CDKAL1: variants seen among roughly 807,000 people sequenced by gnomAD.
CDKAL1 encodes the protein CDKAL1 threonylcarbamoyladenosine tRNA methylthiotransferase.
CDKAL1 carries 32 observed loss-of-function variants against 68.2 expected under a neutral mutation model. The ratio of observed to expected loss-of-function variants is 0.47; its 90% CI spans 0.35 to 0.63. The LOEUF (loss-of-function observed/expected upper bound fraction) is 0.63. CDKAL1 is among the 30% of genes least tolerant of loss of function. The pLI is 0.00. For missense variants in CDKAL1, 606 were observed against 696.7 expected (o/e 0.87, Z 1.47); for synonymous variants, 234 against 244.3 (o/e 0.96, Z 0.39).
chr6:20,557,541 A>G (rs1336800146), intron 4 of CDKAL1, among the ~76,000 whole-genome samples: 2 of 152,166 alleles, frequency 1.3e-5, no homozygotes, highest in Non-Finnish European at 1.5e-5. Context: ...AGCTTTTACT[A>G]TATATATGTA....
intron 9 of CDKAL1, among the ~76,000 whole-genome samples, chr6:20,899,062 CTTTTTTTT>C (rs149183099): frequency 1.2e-4 from 14 of 113,796 alleles, no homozygotes; most frequent in Admixed American, 1.8e-4. Context: ...TCTTCTAATT[CTTTTTTTT>C]TTTTTTTTTT....
intron 4 of CDKAL1, among the ~76,000 whole-genome samples, chr6:20,562,642 T>C (rs1439681357): frequency 6.6e-6 from 1 of 151,874 alleles, no homozygotes; most frequent in Non-Finnish European, 1.5e-5. Flanking sequence ...CTCGGGAGGC[T>C]GAGGCAGAAG....
intron 11 of CDKAL1, among the ~76,000 whole-genome samples, chr6:21,048,443 T>A (rs1770364514): frequency 6.6e-6 from 1 of 152,176 alleles, no homozygotes. Flanking sequence ...ATTTTATAAT[T>A]TCTAGTCCAT....
chr6:20,944,085 T>G (rs1385647455), intron 9 of CDKAL1, among the ~76,000 whole-genome samples: 1 of 152,188 alleles, frequency 6.6e-6, no homozygotes, highest in African/African-American at 2.4e-5. Context: ...AACTCCAACC[T>G]CTGTCTCTTC....
chr6:20,665,949 A>ACC (rs34184260), intron 5 of CDKAL1, among the ~76,000 whole-genome samples: 8 of 151,698 alleles, frequency 5.3e-5, no homozygotes, highest in Admixed American at 3.9e-4. Flanking sequence ...TGGCAGTTGC[A>ACC]CCCCCCCAAT....
chr6:20,886,102 T>G (rs1761055441), intron 9 of CDKAL1, among the ~76,000 whole-genome samples: 1 of 152,020 alleles, frequency 6.6e-6, no homozygotes, highest in Non-Finnish European at 1.5e-5. Context: ...GGACAAAAGA[T>G]TTGAATAGAT....
At chr6:20,627,035 G>A (rs1399954690) in intron 4 of CDKAL1, among the ~76,000 whole-genome samples, 1 of 152,106 alleles carries the variant, frequency 6.6e-6, no homozygotes, top group Non-Finnish European at 1.5e-5. Context: ...CTACCTCTTC[G>A]GCTAGCCCAA....
chr6:21,003,866 C>T (rs1302215382), intron 11 of CDKAL1, among the ~76,000 whole-genome samples: 1 of 152,194 alleles, frequency 6.6e-6, no homozygotes, highest in African/African-American at 2.4e-5. Flanking sequence ...ATGATCCTGA[C>T]TTAAAGTGGT....
chr6:21,136,029 G>T (rs1373009397), intron 13 of CDKAL1, among the ~76,000 whole-genome samples: 1 of 152,130 alleles, frequency 6.6e-6, no homozygotes, highest in Non-Finnish European at 1.5e-5. Context: ...GCATTATCAT[G>T]AATATATCAG....
At chr6:20,722,465 C>CAGT in intron 5 of CDKAL1, 1 of 310,244 alleles carries the variant, frequency 3.2e-6, no homozygotes, top group Non-Finnish European at 6.1e-6. Flanking sequence ...TTCTTTTTGG[C>CAGT]AGTAGCCTTT....
intron 10 of CDKAL1, among the ~76,000 whole-genome samples, chr6:20,960,085 G>A (rs975374789): frequency 6.6e-6 from 1 of 152,124 alleles, no homozygotes; most frequent in Non-Finnish European, 1.5e-5. Flanking sequence ...TCTTAGAACA[G>A]GCTAGCTATA....
intron 2 of CDKAL1, among the ~76,000 whole-genome samples, chr6:20,536,263 T>G (rs1742157041): frequency 6.6e-6 from 1 of 152,140 alleles, no homozygotes; most frequent in Non-Finnish European, 1.5e-5. Context: ...TCTAATCTGT[T>G]TTTCCTTTTG....
chr6:20,627,351 A>T (rs1379993074), intron 4 of CDKAL1, among the ~76,000 whole-genome samples: 1 of 152,200 alleles, frequency 6.6e-6, no homozygotes, highest in Non-Finnish European at 1.5e-5. Context: ...ATTGGTCCAC[A>T]AATATACCAT....
intron 15 of CDKAL1, among the ~76,000 whole-genome samples, chr6:21,211,699 A>G (rs892061954): frequency 6.6e-6 from 1 of 152,226 alleles, no homozygotes; most frequent in African/African-American, 2.4e-5. Flanking sequence ...TGTTTTAATA[A>G]GAAGGAGAAG....
chr6:20,656,449 T>C (rs1369615708), intron 5 of CDKAL1, among the ~76,000 whole-genome samples: 1 of 151,452 alleles, frequency 6.6e-6, no homozygotes, highest in African/African-American at 2.4e-5. Flanking sequence ...CAGAGAATGG[T>C]ATTCACCAGA....
intron 12 of CDKAL1, among the ~76,000 whole-genome samples, chr6:21,081,842 T>TGCTA (rs1184365086): frequency 6.6e-6 from 1 of 152,100 alleles, no homozygotes; most frequent in African/African-American, 2.4e-5. Flanking sequence ...CCTCCCAAAG[T>TGCTA]GCTAGGATTA....
chr6:20,808,494 G>C (rs1452235007), intron 8 of CDKAL1, among the ~76,000 whole-genome samples: 2 of 152,106 alleles, frequency 1.3e-5, no homozygotes. Flanking sequence ...TGGAAACAGG[G>C]AGAGATGACG....
At chr6:20,592,465 C>T (rs915513518) in intron 4 of CDKAL1, among the ~76,000 whole-genome samples, 24 of 144,360 alleles carry the variant, frequency 1.7e-4, no homozygotes, top group African/African-American at 5.8e-4. Context: ...GGAATGCTTC[C>T]AGCTTTTTTT....
intron 11 of CDKAL1, among the ~76,000 whole-genome samples, chr6:21,002,764 G>A (rs1767496539): frequency 6.6e-6 from 1 of 151,928 alleles, no homozygotes; most frequent in Non-Finnish European, 1.5e-5. Flanking sequence ...GAGGTGGATG[G>A]ATCTCCTGAG....
Sources: gnomAD v4.1 joint callset for allele counts (sites outside exome capture counted in the v4.1 genomes callset) on GRCh38, gnomAD v4.1.1 for gene constraint, MANE v1.5 for transcripts, NCBI Gene and HGNC (gene_info 2026-07-23, HGNC 2026-07-21) for gene names.